The following RBFOX1 variants were observed in gnomAD, a reference collection of about 807,000 sequenced individuals.
The protein encoded by RBFOX1 is RNA binding protein fox-1 homolog 1.
A neutral mutation model predicts 57.7 loss-of-function variants in RBFOX1; 8 were observed. That is an observed-to-expected ratio of 0.14 (90% CI 0.08 to 0.25). The LOEUF (loss-of-function observed/expected upper bound fraction) is 0.25, where lower values mean the gene tolerates loss of function less well. Ranked by LOEUF, RBFOX1 falls within the 10% of genes least tolerant of loss-of-function variation. The pLI is 1.00. For missense variants in RBFOX1, 611 were observed against 548.5 expected, an observed-to-expected ratio of 1.11 and a Z score of -1.14; for synonymous variants, 326 against 222.4, an observed-to-expected ratio of 1.47 and a Z score of -4.15.
intron 3 of RBFOX1, among the ~76,000 whole-genome samples, chr16:5,793,410 C>G (rs1339007346): frequency 2.0e-5 from 3 of 152,214 alleles, no homozygotes; most frequent in Non-Finnish European, 4.4e-5. Flanking sequence ...GAAGATTTAC[C>G]CTGATTTTCA....
At chr16:5,887,325 T>C (rs144963264) in intron 4 of RBFOX1, among the ~76,000 whole-genome samples, 341 of 152,278 alleles carry the variant, frequency 2.2e-3, no homozygotes, top group African/African-American at 7.8e-3. Flanking sequence ...GATGCAACTT[T>C]TCTCCAGATG....
intron 13 of RBFOX1, among the ~76,000 whole-genome samples, chr16:7,668,934 C>T (rs182197465): frequency 1.9e-4 from 29 of 152,292 alleles, no homozygotes; most frequent in Non-Finnish European, 3.4e-4. Context: ...GGTGGAATCT[C>T]GCTCTGTCGC....
intron 3 of RBFOX1, among the ~76,000 whole-genome samples, chr16:6,857,899 A>G (rs567368939): frequency 2.0e-5 from 3 of 152,334 alleles, no homozygotes; most frequent in South Asian, 2.1e-4. Context: ...TAATGAGCCT[A>G]TCCCACAGAA....
intron 3 of RBFOX1, among the ~76,000 whole-genome samples, chr16:5,811,082 T>A (rs996001508): frequency 6.6e-6 from 1 of 151,494 alleles, no homozygotes; most frequent in Admixed American, 6.6e-5. Context: ...ATCTGCTTTC[T>A]AAATCCGTAC....
At chr16:5,855,212 A>G (rs1016699769) in intron 3 of RBFOX1, among the ~76,000 whole-genome samples, 2 of 152,146 alleles carry the variant, frequency 1.3e-5, no homozygotes, top group Non-Finnish European at 2.9e-5. Flanking sequence ...TGCTGTGCAG[A>G]AGATTTTTAG....
chr16:6,780,867 T>G (rs2080897027), intron 3 of RBFOX1, among the ~76,000 whole-genome samples: 2 of 152,018 alleles, frequency 1.3e-5, no homozygotes. Flanking sequence ...CCAAGTTGTT[T>G]GAGCTCCTCA....
chr16:5,898,812 C>T (rs1054789366), intron 4 of RBFOX1, among the ~76,000 whole-genome samples: 1 of 151,438 alleles, frequency 6.6e-6, no homozygotes, highest in Admixed American at 6.6e-5. Context: ...ATAATCCCAG[C>T]ACTTTGTGGG....
At chr16:5,316,166 A>T (rs1261879403) in intron 1 of RBFOX1, among the ~76,000 whole-genome samples, 1 of 151,910 alleles carries the variant, frequency 6.6e-6, no homozygotes, top group African/African-American at 2.4e-5. Context: ...TTCCTCCTTT[A>T]CCTAGTTAAC....
intron 3 of RBFOX1, among the ~76,000 whole-genome samples, chr16:6,884,442 A>G (rs953516808): frequency 1.2e-4 from 18 of 152,198 alleles, no homozygotes; most frequent in Non-Finnish European, 2.5e-4. Flanking sequence ...TCTGCCTTCA[A>G]GGATCGTACT....
intron 3 of RBFOX1, among the ~76,000 whole-genome samples, chr16:6,707,981 T>C (rs1215654892): frequency 1.3e-5 from 2 of 152,100 alleles, no homozygotes; most frequent in Non-Finnish European, 2.9e-5. Context: ...AAAGAAAACC[T>C]AGACATCAGG....
chr16:6,851,157 C>G (rs895834365), intron 3 of RBFOX1, among the ~76,000 whole-genome samples: 2 of 152,168 alleles, frequency 1.3e-5, no homozygotes, highest in Admixed American at 6.5e-5. Flanking sequence ...TTTGTCCAGT[C>G]TCAGCAATCA....
intron 1 of RBFOX1, among the ~76,000 whole-genome samples, chr16:6,243,862 A>G (rs918530898): frequency 1.3e-5 from 2 of 152,188 alleles, no homozygotes; most frequent in Non-Finnish European, 2.9e-5. Flanking sequence ...AGAGGGGAGT[A>G]TATCTGAGAT....
intron 1 of RBFOX1, among the ~76,000 whole-genome samples, chr16:6,049,723 GT>G (rs1245924251): frequency 2.6e-5 from 4 of 151,910 alleles, no homozygotes; most frequent in African/African-American, 7.3e-5. Context: ...TTTTACAGCA[GT>G]TTCAGGTTCA....
intron 3 of RBFOX1, among the ~76,000 whole-genome samples, chr16:6,803,720 G>C (rs1477810688): frequency 1.3e-5 from 2 of 152,000 alleles, no homozygotes; most frequent in Admixed American, 1.3e-4. Flanking sequence ...CTTTGTTTTG[G>C]CTTATCTTGC....
chr16:5,328,030 C>G (rs2064635040), intron 1 of RBFOX1, among the ~76,000 whole-genome samples: 1 of 152,118 alleles, frequency 6.6e-6, no homozygotes, highest in Admixed American at 6.5e-5. Flanking sequence ...GACTGAAAGT[C>G]CTAAAACAAA....
intron 2 of RBFOX1, among the ~76,000 whole-genome samples, chr16:6,524,253 T>G (rs1462720259): frequency 6.6e-6 from 1 of 152,222 alleles, no homozygotes; most frequent in African/African-American, 2.4e-5. Flanking sequence ...CTGTGTGACT[T>G]TCTGTGCCTG....
At chr16:5,242,805 G>A (rs1310199992) in intron 1 of RBFOX1, among the ~76,000 whole-genome samples, 1 of 152,072 alleles carries the variant, frequency 6.6e-6, no homozygotes, top group Non-Finnish European at 1.5e-5. Flanking sequence ...GGATGGCTGA[G>A]GTTTTAATGT....
intron 3 of RBFOX1, among the ~76,000 whole-genome samples, chr16:7,023,542 CA>C (rs2039941555): frequency 9.8e-6 from 1 of 102,332 alleles, no homozygotes; most frequent in Admixed American, 1.4e-4. Context: ...GCCTGGCCAA[CA>C]TGGTGAAACT....
At chr16:5,585,388 T>C (rs1477692157) in intron 2 of RBFOX1, among the ~76,000 whole-genome samples, 1 of 152,214 alleles carries the variant, frequency 6.6e-6, no homozygotes, top group Non-Finnish European at 1.5e-5. Context: ...CTGAGCCATG[T>C]TTTATTGATC....
Sources: gnomAD v4.1 joint callset for allele counts (sites outside exome capture counted in the v4.1 genomes callset) on GRCh38, gnomAD v4.1.1 for gene constraint, MANE v1.5 for transcripts, NCBI Gene and HGNC (gene_info 2026-07-23, HGNC 2026-07-21) for gene names.